The following DNAH12 variants were observed in gnomAD, a reference collection of about 807,000 sequenced individuals.
DNAH12 encodes dynein axonemal heavy chain 12, also known as axonemal beta dynein heavy chain 12.
DNAH12 carries 285 observed loss-of-function variants against 371.5 expected under a neutral mutation model. That is an observed-to-expected ratio of 0.77 (90% CI 0.70 to 0.85). The LOEUF is 0.85. DNAH12 is among the 40% of genes least tolerant of loss of function. The probability of loss-of-function intolerance (pLI) is 0.00; values close to 1 mark genes in which losing one functional copy is unlikely to be tolerated. For missense variants in DNAH12, 3,611 were observed against 3,689.4 expected (o/e 0.98, Z 0.55); for synonymous variants, 1,200 against 1,213.0 (o/e 0.99, Z 0.22).
At position 57,309,212 on chromosome 3, in the gene DNAH12, G is replaced by A; in HGVS notation, c.11128C>T (p.Pro3710Ser). The change falls in exon 69 of 74, where the codon CCT becomes TCT. Residue 3710 changes from proline (P) to serine (S), a missense_variant. Around this residue, in one of 3 missense-constraint regions of DNAH12, gnomAD observed 2,266 missense variants for 2,236.9 expected, o/e 1.01. Transcript: ENST00000495027. ...FDIEMALRKY[P>S]VRYEESMNTV... ...TTCATGCTTTCTTCATATCTCACAGGATACTTCCGTAGTGCCATTTCAATG... is the reference window on the plus strand; with the variant it reads ...TTCATGCTTTCTTCATATCTCACAGAATACTTCCGTAGTGCCATTTCAATG... The A allele has an allele frequency of 6.5e-7, 1 of 1,550,324 alleles. No individual in the cohort carries two copies. The highest frequency in any genetic ancestry group is 8.7e-7 in the Non-Finnish European group (1 of 1,146,684).
chr3:57,344,368 G>A (rs1553657381), intron 60 of DNAH12, among the ~76,000 whole-genome samples: 4 of 152,140 alleles, frequency 2.6e-5, no homozygotes, highest in African/African-American at 7.2e-5. Context: ...CAACCATTAC[G>A]GAGAACAGTA....
intron 46 of DNAH12, among the ~76,000 whole-genome samples, chr3:57,386,813 G>A (rs927922809): frequency 6.6e-6 from 1 of 152,044 alleles, no homozygotes; most frequent in Non-Finnish European, 1.5e-5. Context: ...TATTCAAAAG[G>A]CACAAATCAA....
intron 2 of DNAH12, 64 bp from the exon 3 acceptor site, chr3:57,523,948 C>T (rs1469071038): frequency 3.6e-5 from 43 of 1,202,180 alleles, no homozygotes; most frequent in Non-Finnish European, 4.9e-5. Context: ...TAAAACATTA[C>T]AATTTAAGCA....
intron 22 of DNAH12, among the ~76,000 whole-genome samples, chr3:57,455,108 A>G (rs1048949636): frequency 6.6e-6 from 1 of 152,062 alleles, no homozygotes; most frequent in Admixed American, 6.6e-5. Context: ...GGAAAGATAA[A>G]CACCAACATG....
the DNAH12 span, among the ~76,000 whole-genome samples, chr3:57,551,310 C>T: frequency 2.6e-5 from 4 of 151,850 alleles, no homozygotes; most frequent in African/African-American, 9.7e-5. Context: ...CTCGCTCTGT[C>T]GCCCAGGTTG....
Position 57,408,464 on chromosome 3 carries a change from C to A in DNAH12, c.6092G>T (p.Gly2031Val). 6.4e-7 allele frequency: 1 copy of A among 1,551,520 alleles called. No individual in the cohort carries two copies. Among genetic ancestry groups the A allele is most frequent in the Middle Eastern group, 1.7e-4 (1 of 5,990 alleles). Reference sequence around the variant, plus strand: ...GGGAGTAACTGGATTTCTTCCACCACCTGGAGGGCCCATTGCAGCAATCAG... The same window carrying A: ...GGGAGTAACTGGATTTCTTCCACCAACTGGAGGGCCCATTGCAGCAATCAG... ...IELIAAMGPP[G>V]GGRNPVTPRC... is the part of the protein sequence containing the mutation. The change falls in exon 40 of 74, where the codon GGT becomes GTT. Residue 2031 changes from glycine (G) to valine (V), a missense_variant. Around this residue, in one of 3 missense-constraint regions of DNAH12, gnomAD observed 2,266 missense variants for 2,236.9 expected, o/e 1.01. Transcript: ENST00000495027.
At chr3:57,420,586 T>C (rs892423617) in intron 36 of DNAH12, among the ~76,000 whole-genome samples, 15 of 152,034 alleles carry the variant, frequency 9.9e-5, no homozygotes, top group African/African-American at 3.6e-4. Context: ...CTAAGCTGGA[T>C]AGTTTGGTAT....
chr3:57,510,896 C>G lies in DNAH12; in HGVS notation c.363G>C (p.Arg121Ser). The change falls in exon 5 of 74, where the codon AGG becomes AGC. Residue 121 changes from arginine (R) to serine (S), a missense_variant. By Grantham distance (110) the Arg-to-Ser change is moderately radical. Coordinates refer to ENST00000495027, the MANE Select transcript of DNAH12 (RefSeq NM_001366028.2). Reference sequence around the variant, plus strand: ...CTTCCTTTAAAGACTCAGGTATCAGCCTTAACATGTGATCCAGCCATTCCT... The same window carrying G: ...CTTCCTTTAAAGACTCAGGTATCAGGCTTAACATGTGATCCAGCCATTCCT... ...IQQEWLDHML[R>S]LIPESLKEGK... 6.2e-7 allele frequency: 1 copy of G among 1,614,020 alleles called. No homozygotes were observed. The highest frequency in any genetic ancestry group is 8.5e-7 in the Non-Finnish European group (1 of 1,180,008).
In DNAH12 at chr3:57,502,454, A is replaced by T. The variant is rs1313518937; in HGVS notation, c.1112T>A (p.Leu371Gln). Residue 371 changes from leucine to glutamine, a missense_variant, in exon 10 of 74, where the codon CTA becomes CAA. Transcript: ENST00000495027. Reference protein sequence around the residue: ...LQNVQTIPSWLSGTSTPVNLD... With the variant: ...LQNVQTIPSWQSGTSTPVNLD... Reference sequence around the variant, plus strand: ...ATTTACTGGTGTTGAAGTTCCTGATAGCCAAGAGGGGATTGTTTGGACATT... The same window carrying T: ...ATTTACTGGTGTTGAAGTTCCTGATTGCCAAGAGGGGATTGTTTGGACATT... 1 of 1,614,096 alleles carries T rather than the reference A, an allele frequency of 6.2e-7. No individual in the cohort carries two copies. Among genetic ancestry groups the T allele is most frequent in the Non-Finnish European group, 8.5e-7 (1 of 1,180,036 alleles).
At chr3:57,391,417 AACT>A (rs2063620676) in intron 45 of DNAH12, among the ~76,000 whole-genome samples, 2 of 152,096 alleles carry the variant, frequency 1.3e-5, no homozygotes, top group African/African-American at 2.4e-5. Flanking sequence ...TTCAGACTGG[AACT>A]ACATCACTGG....
chr3:57,327,151 C>T (rs533242978), intron 62 of DNAH12, among the ~76,000 whole-genome samples: 33 of 152,152 alleles, frequency 2.2e-4, no homozygotes, highest in Middle Eastern at 3.4e-3. Context: ...GACAGATCAA[C>T]GAGACAGAAA....
chr3:57,417,193 T>G (rs890213898), intron 37 of DNAH12, among the ~76,000 whole-genome samples: 3 of 151,660 alleles, frequency 2.0e-5, no homozygotes, highest in Non-Finnish European at 4.4e-5. Flanking sequence ...GAGGTTGTGG[T>G]GAGCTGAGAT....
intron 66 of DNAH12, among the ~76,000 whole-genome samples, chr3:57,312,367 T>C (rs1230207771): frequency 6.6e-6 from 1 of 152,198 alleles, no homozygotes; most frequent in Non-Finnish European, 1.5e-5. Context: ...CTCCCAAAGC[T>C]GAAGGAAGAG....
intron 7 of DNAH12, among the ~76,000 whole-genome samples, 170 bp downstream of exon 7, chr3:57,508,212 A>AAAAAAAAAAAAAAAAAAAAC (rs1559734020): frequency 6.7e-6 from 1 of 150,176 alleles, no homozygotes; most frequent in African/African-American, 2.5e-5. Context: ...AAAAAAAAAA[A>AAAAAAAAAAAAAAAAAAAAC]AACCAAAAAA....
chr3:57,294,847 T>C (rs915815205), intron 73 of DNAH12, among the ~76,000 whole-genome samples: 8 of 152,226 alleles, frequency 5.3e-5, no homozygotes, highest in Non-Finnish European at 4.4e-5. Flanking sequence ...ACGTTTCTCA[T>C]AGTTATAACT....
In DNAH12 at chr3:57,538,479, C is replaced by A. The variant is rs184218605; in HGVS notation, c.170+4222G>T. Among the ~76,000 whole-genome samples, 7 of 152,262 alleles carry A rather than the reference C, an allele frequency of 4.6e-5. No individual in the cohort carries two copies. The East Asian group carries it at 1.4e-3, about 29-fold the overall frequency. The stretch of plus-strand genomic sequence containing the variant: ...TCATTCATTCATCAACAATAACATG[C>A]CAAACCCTTTGATTTGTGTTGAGAT... On this transcript the variant is annotated intron_variant, in intron 2 of 73. Coordinates refer to ENST00000495027, the MANE Select transcript of DNAH12 (RefSeq NM_001366028.2).
intron 43 of DNAH12, among the ~76,000 whole-genome samples, chr3:57,403,102 AG>A (rs2063919654): frequency 6.6e-6 from 1 of 152,198 alleles, no homozygotes; most frequent in African/African-American, 2.4e-5. Context: ...CTGTGCCTAT[AG>A]AATGAGATCA....
chr3:57,343,102 AACAG>A (rs1379132712), intron 60 of DNAH12, among the ~76,000 whole-genome samples: 1 of 152,086 alleles, frequency 6.6e-6, no homozygotes, highest in African/African-American at 2.4e-5. Flanking sequence ...AAATGATCTG[AACAG>A]ACAGTTCTAA....
intron 55 of DNAH12, among the ~76,000 whole-genome samples, chr3:57,370,697 GAC>G (rs1177398584): frequency 6.6e-6 from 1 of 152,166 alleles, no homozygotes; most frequent in Non-Finnish European, 1.5e-5. Context: ...GCATTTAAAA[GAC>G]ACATACATAC....
Sources: gnomAD v4.1 joint callset for allele counts (sites outside exome capture counted in the v4.1 genomes callset) on GRCh38, gnomAD v4.1.1 for gene constraint, gnomAD v4.1.1 regional missense constraint, MANE v1.5 for transcripts, NCBI Gene and HGNC (gene_info 2026-07-23, HGNC 2026-07-21) for gene names.